DDAH1: variants seen among roughly 807,000 people sequenced by gnomAD.
DDAH1 encodes the protein dimethylarginine dimethylaminohydrolase 1.
Under a neutral mutation model 28.8 loss-of-function variants are expected in DDAH1, and 19 were observed. The observed-to-expected ratio is 0.66, with a 90% CI of 0.46 to 0.97. The LOEUF is 0.97. Among genes scored for constraint, DDAH1 ranks in the 50% least tolerant of loss-of-function variants. DDAH1 has a pLI of 0.00. For missense variants in DDAH1, 326 were observed against 375.9 expected (o/e 0.87, Z 1.10); for synonymous variants, 153 against 154.4 (o/e 0.99, Z 0.07).
chr1:85,468,308 G>C (rs1281828106), upstream of DDAH1, among the ~76,000 whole-genome samples: 2 of 152,110 alleles, frequency 1.3e-5, no homozygotes, highest in Admixed American at 6.5e-5. Context: ...TCTACATGTG[G>C]CATCCAAGTT....
chr1:85,457,467 A>G (rs1187387868), intron 1 of DDAH1, among the ~76,000 whole-genome samples: 1 of 152,136 alleles, frequency 6.6e-6, no homozygotes, highest in Admixed American at 6.6e-5. Context: ...TGACATCCTC[A>G]GGGGCAGTGG....
intron 1 of DDAH1, among the ~76,000 whole-genome samples, chr1:85,432,073 T>C (rs1422584940): frequency 1.3e-5 from 2 of 152,184 alleles, no homozygotes; most frequent in African/African-American, 4.8e-5. Context: ...CGTGGTAACT[T>C]TGCAGAGTTA....
intron 1 of DDAH1, among the ~76,000 whole-genome samples, chr1:85,574,370 C>T (rs1472130586): frequency 6.6e-6 from 1 of 152,244 alleles, no homozygotes; most frequent in East Asian, 1.9e-4. Flanking sequence ...AATGCCATGA[C>T]AGCAAGGCCA....
intron 1 of DDAH1, among the ~76,000 whole-genome samples, chr1:85,546,073 A>G (rs1658613569): frequency 6.6e-6 from 1 of 152,100 alleles, no homozygotes; most frequent in South Asian, 2.1e-4. Flanking sequence ...TATCTAAAAC[A>G]AAGTAAATGC....
intron 1 of DDAH1, among the ~76,000 whole-genome samples, chr1:85,517,702 A>T (rs1411102015): frequency 6.6e-6 from 1 of 152,098 alleles, no homozygotes; most frequent in African/African-American, 2.4e-5. Context: ...ATAAATATCT[A>T]CACATCACCC....
chr1:85,449,760 G>A lies in DDAH1; in HGVS notation c.303+14983C>T, dbSNP rs978258941. On this transcript the variant is annotated intron_variant, in intron 1 of 5. Coordinates refer to ENST00000284031, the MANE Select transcript of DDAH1 (RefSeq NM_012137.4). ...GTGGGTGAAAGTCCAAGCAGGTGGG[G>A]CTGGATCTCTGGAAAGCATGGCAGC... Among the ~76,000 whole-genome samples, 7 of 152,254 alleles carry A rather than the reference G, an allele frequency of 4.6e-5. No individual in the cohort carries two copies. The East Asian group carries it at 1.4e-3, about 29-fold the overall frequency.
At chr1:85,374,597 A>G (rs956692122) in intron 1 of DDAH1, among the ~76,000 whole-genome samples, 14 of 152,136 alleles carry the variant, frequency 9.2e-5, no homozygotes, top group African/African-American at 3.4e-4. Flanking sequence ...GTCAAATAGA[A>G]CCATTAAAAA....
intron 1 of DDAH1, among the ~76,000 whole-genome samples, chr1:85,386,066 C>T (rs1168961804): frequency 2.0e-5 from 3 of 152,190 alleles, no homozygotes. Flanking sequence ...CAAACACTTC[C>T]CACTAGGCCC....
At chr1:85,424,272 T>C (rs936473509) in intron 1 of DDAH1, among the ~76,000 whole-genome samples, 1 of 152,076 alleles carries the variant, frequency 6.6e-6, no homozygotes, top group South Asian at 2.1e-4. Context: ...CTGGAAGAGA[T>C]TAAGGAGAAT....
intron 1 of DDAH1, among the ~76,000 whole-genome samples, chr1:85,361,880 T>C (rs945379354): frequency 1.3e-5 from 2 of 152,212 alleles, no homozygotes; most frequent in South Asian, 2.1e-4. Flanking sequence ...TTATTCATTA[T>C]AGTATCAACT....
At chr1:85,517,955 CA>C (rs1210456113) in intron 1 of DDAH1, among the ~76,000 whole-genome samples, 1 of 152,164 alleles carries the variant, frequency 6.6e-6, no homozygotes, top group Admixed American at 6.5e-5. Context: ...CCCTGTTGGA[CA>C]GCCTATCGTT....
At chr1:85,467,625 T>A (rs1306765592), upstream of DDAH1, 2 of 152,228 alleles carry the variant, frequency 1.3e-5, no homozygotes, top group Non-Finnish European at 2.9e-5. Flanking sequence ...AGAATGTATA[T>A]ATTAGTAAAA....
At chr1:85,478,385 A>G (rs1263640540) in intron 2 of DDAH1, among the ~76,000 whole-genome samples, 1 of 152,216 alleles carries the variant, frequency 6.6e-6, no homozygotes, top group Non-Finnish European at 1.5e-5. Flanking sequence ...GGTAGTTTAT[A>G]CAGGAAAGAA....
At chr1:85,577,394 G>T (rs1659644632) in intron 1 of DDAH1, among the ~76,000 whole-genome samples, 2 of 152,188 alleles carry the variant, frequency 1.3e-5, no homozygotes, top group Non-Finnish European at 1.5e-5. Flanking sequence ...CCGGTCTTTT[G>T]CAGACACCAT....
chr1:85,325,015 T>C, intron 4 of DDAH1, 132 bp from the exon 5 acceptor site: 1 of 1,000,786 alleles, frequency 1.0e-6, no homozygotes, highest in Non-Finnish European at 1.4e-6. Flanking sequence ...TCCCATCTAT[T>C]ACCTCCAGTC....
At chr1:85,468,271 C>T (rs536973278), upstream of DDAH1, among the ~76,000 whole-genome samples, 3 of 152,284 alleles carry the variant, frequency 2.0e-5, no homozygotes, top group East Asian at 5.8e-4. Context: ...GGGATCCAGC[C>T]TTCTTCTATT....
intron 1 of DDAH1, chr1:85,404,470 T>G: frequency 6.5e-7 from 1 of 1,527,016 alleles, no homozygotes; most frequent in Non-Finnish European, 8.8e-7. Context: ...TGTTTTAACA[T>G]CCACCTGTGT....
intron 1 of DDAH1, among the ~76,000 whole-genome samples, chr1:85,508,489 T>C (rs1657106802): frequency 6.6e-6 from 1 of 152,130 alleles, no homozygotes; most frequent in Non-Finnish European, 1.5e-5. Context: ...GTACAGCCCA[T>C]GGAGGGCAAG....
chr1:85,338,492 A>G (rs1029695943), intron 4 of DDAH1, among the ~76,000 whole-genome samples: 3 of 152,206 alleles, frequency 2.0e-5, no homozygotes, highest in Admixed American at 6.5e-5. Flanking sequence ...GTTCAAGGAC[A>G]TAACAATTTA....
Sources: allele counts gnomAD v4.1 joint callset (sites outside exome capture counted in the v4.1 genomes callset), GRCh38; gene constraint gnomAD v4.1.1; transcripts MANE v1.5; gene names NCBI Gene and HGNC (gene_info 2026-07-23, HGNC 2026-07-21).